TOMM34: variants seen among roughly 807,000 people sequenced by gnomAD.
TOMM34 encodes mitochondrial import receptor subunit TOM34.
Under a neutral mutation model 37.4 loss-of-function variants are expected in TOMM34, and 24 were observed. That is an observed-to-expected ratio of 0.64 (90% confidence interval 0.46 to 0.90). The LOEUF is 0.90. TOMM34 is among the 40% of genes least tolerant of loss of function. The probability of loss-of-function intolerance (pLI) is 0.00; values close to 1 mark genes in which losing one functional copy is unlikely to be tolerated. For missense variants in TOMM34, 304 were observed against 375.6 expected (o/e 0.81, Z 1.58); for synonymous variants, 154 against 148.9 (o/e 1.03, Z -0.25).
At chr20:44,956,972 A>G (rs1264663971) in intron 1 of TOMM34, among the ~76,000 whole-genome samples, 1 of 152,202 alleles carries the variant, frequency 6.6e-6, no homozygotes, top group African/African-American at 2.4e-5. Context: ...CAAAACACCC[A>G]TGAAAGACAT....
rs963750460 is a variant in TOMM34, at chr20:44,942,229, A to G, written c.*880T>C. On this transcript the variant is annotated 3_prime_UTR_variant, in exon 7 of 7. Transcript: ENST00000372813. The stretch of plus-strand genomic sequence containing the variant: ...AGCACAGCAGATATTGATGTAGAAG[A>G]AAGCTTTTTAATGCAACAGCTTAAA... 1 of 152,276 alleles carries G rather than the reference A, an allele frequency of 6.6e-6. No individual in the cohort carries two copies. 9.4% of individuals were successfully genotyped at this position (152,276 alleles called of 1,614,324 possible).
rs2066946848 is a variant in TOMM34, at chr20:44,942,846, G to A, written c.*263C>T. 1.8e-6 allele frequency: 1 copy of A among 544,106 alleles called. No individual in the cohort carries two copies. The highest frequency in any genetic ancestry group is 3.3e-5 in the Admixed American group (1 of 30,468). The allele number at this position is 544,106 out of a possible 1,614,324, so 33.7% of individuals were successfully genotyped here. ...GTTGGTGTGATCAGCTAGCTGGGCT[G>A]GGGGAATAGGGACAGAGCTTCAGCT... On this transcript the variant is annotated 3_prime_UTR_variant, in exon 7 of 7. Transcript: ENST00000372813.
chr20:44,958,477 C>T, intron 1 of TOMM34: 1 of 451,658 alleles, frequency 2.2e-6, no homozygotes, highest in South Asian at 1.6e-5. Flanking sequence ...AGGGCATCAA[C>T]CCTGCGATCC....
At chr20:44,950,647 G>A (rs2067018410) in intron 4 of TOMM34, among the ~76,000 whole-genome samples, 1 of 152,200 alleles carries the variant, frequency 6.6e-6, no homozygotes, top group African/African-American at 2.4e-5. Flanking sequence ...ATGCCATCAG[G>A]TTCATTAGCA....
At chr20:44,954,714 T>A (rs1217322008) in intron 3 of TOMM34, among the ~76,000 whole-genome samples, 1 of 152,222 alleles carries the variant, frequency 6.6e-6, no homozygotes, top group Non-Finnish European at 1.5e-5. Context: ...ATTCTTCTAA[T>A]TAGCGTTAGC....
At chr20:44,955,018 A>C in intron 3 of TOMM34, 50 bp downstream of exon 3, 2 of 1,599,058 alleles carry the variant, frequency 1.3e-6, no homozygotes, top group Non-Finnish European at 1.7e-6. Flanking sequence ...CAGCCAATCA[A>C]GAAGGACAGG....
chr20:44,959,745 C>G (rs929538024), intron 1 of TOMM34, among the ~76,000 whole-genome samples: 1 of 152,128 alleles, frequency 6.6e-6, no homozygotes, highest in Non-Finnish European at 1.5e-5. Flanking sequence ...CCACTCCAGT[C>G]AACTCTATCA....
chr20:44,955,734 C>A, intron 2 of TOMM34: 1 of 428,728 alleles, frequency 2.3e-6, no homozygotes, highest in Non-Finnish European at 4.7e-6. Context: ...TGGCACAAGG[C>A]ATGGCACAAA....
At chr20:44,958,812 A>G (rs1255979938) in intron 1 of TOMM34, 3 of 152,470 alleles carry the variant, frequency 2.0e-5, no homozygotes, top group Non-Finnish European at 4.4e-5. Context: ...TCAATACCTC[A>G]GCTTCTTCAG....
intron 5 of TOMM34, 24 bp downstream of exon 5, chr20:44,948,706 G>A (rs2067001213): frequency 6.2e-7 from 1 of 1,613,234 alleles, no homozygotes; most frequent in Non-Finnish European, 8.5e-7. Context: ...AAATGCCCCA[G>A]GCCAGCAGCT....
rs1436905803 is a variant in TOMM34, at chr20:44,960,202, C to T, written c.127+5G>A. The T allele has an allele frequency of 1.1e-5, 17 of 1,556,568 alleles. No homozygotes were observed. The highest frequency in any genetic ancestry group is 1.5e-5 in the Non-Finnish European group (17 of 1,151,546). The stretch of plus-strand genomic sequence containing the variant: ...CCGGAGGTGAGATGGGGGCCGGGGT[C>T]GTACCTTGCGCCTGCAGCACCCGCA... On this transcript the variant is annotated splice_donor_5th_base_variant and intron_variant, in intron 1 of 6. Transcript: ENST00000372813.
In TOMM34 at chr20:44,944,286, A is replaced by G. The variant is rs76322353; in HGVS notation, c.699-707T>C. 4.1e-3 allele frequency among the ~76,000 whole-genome samples: 619 copies of G among 152,370 alleles called. 9 individuals are homozygous for G. Among genetic ancestry groups the G allele is most frequent in the African/African-American group, 0.015 (603 of 41,576 alleles). The stretch of plus-strand genomic sequence containing the variant: ...GGTTCAAAAAAGTGCATGTGTGTAT[A>G]TATCTTCCTCATTCAGATCTAGTCC... On this transcript the variant is annotated intron_variant, in intron 5 of 6. Transcript: ENST00000372813.
At chr20:44,952,054 ATTTC>A (rs1464445135) in intron 3 of TOMM34, 52 bp from the exon 4 acceptor site, 1 of 1,565,936 alleles carries the variant, frequency 6.4e-7, no homozygotes, top group Non-Finnish European at 8.6e-7. Flanking sequence ...TCAAGAAGAT[ATTTC>A]TCCTTTCACA....
chr20:44,956,918 T>C (rs1601150532), intron 1 of TOMM34, among the ~76,000 whole-genome samples: 1 of 148,064 alleles, frequency 6.8e-6, no homozygotes, highest in African/African-American at 2.5e-5. Flanking sequence ...GGGAACAAGA[T>C]GATAAACGTA....
intron 4 of TOMM34, among the ~76,000 whole-genome samples, chr20:44,949,819 GTATAAC>G (rs1395018730): frequency 6.6e-6 from 1 of 152,136 alleles, no homozygotes; most frequent in South Asian, 2.1e-4. Flanking sequence ...TTTTTAAACA[GTATAAC>G]TATATACAAC....
chr20:44,955,372 A>G (rs2067062965), intron 2 of TOMM34, 152 bp from the exon 3 acceptor site: 3 of 962,672 alleles, frequency 3.1e-6, no homozygotes, highest in Non-Finnish European at 4.7e-6. Context: ...ACCTCAGAAC[A>G]GGGATTTTTC....
Position 44,951,898 on chromosome 20 carries a change from G to A in TOMM34, c.485C>T (p.Pro162Leu). 6.2e-7 allele frequency: 1 copy of A among 1,614,112 alleles called. No homozygotes were observed. The highest frequency in any genetic ancestry group is 8.5e-7 in the Non-Finnish European group (1 of 1,179,990). ...VSAQKRWNSL[P>L]SENHKEMAKS... is the part of the protein sequence containing the mutation. ...AGCCATCTCTTTGTGGTTCTCCGAAGGCAAGGAATTCCACCTCTTCTGAGC... is the reference window on the plus strand; with the variant it reads ...AGCCATCTCTTTGTGGTTCTCCGAAAGCAAGGAATTCCACCTCTTCTGAGC... The change falls in exon 4 of 7, where the codon CCT (proline) becomes CTT (leucine). Residue 162 changes from proline to leucine, a missense_variant. Transcript: ENST00000372813.
intron 4 of TOMM34, among the ~76,000 whole-genome samples, chr20:44,951,554 A>G (rs1472880126): frequency 6.6e-6 from 1 of 152,196 alleles, no homozygotes. Context: ...ACCAGAGGAA[A>G]GAGAAGGGAA....
chr20:44,944,427 G>A (rs1420395130), intron 5 of TOMM34, among the ~76,000 whole-genome samples: 1 of 152,152 alleles, frequency 6.6e-6, no homozygotes, highest in East Asian at 1.9e-4. Flanking sequence ...CACTAAGTTG[G>A]ATGTAGCATA....
Sources: gnomAD v4.1 joint callset for allele counts (sites outside exome capture counted in the v4.1 genomes callset) on GRCh38, gnomAD v4.1.1 for gene constraint, MANE v1.5 for transcripts, NCBI Gene and HGNC (gene_info 2026-07-23, HGNC 2026-07-21) for gene names.